EHMT1: variants seen among roughly 807,000 people sequenced by gnomAD.
EHMT1 encodes the protein euchromatic histone lysine methyltransferase 1.
A neutral mutation model predicts 147.2 loss-of-function variants in EHMT1; 15 were observed. The ratio of observed to expected loss-of-function variants is 0.10; its 90% CI spans 0.07 to 0.16. The LOEUF is 0.16. Among genes scored for constraint, EHMT1 ranks in the 10% least tolerant of loss-of-function variants. The pLI is 1.00. For synonymous variants in EHMT1, 795 were observed against 709.6 expected (o/e 1.12, Z -1.91); for missense variants, 1,587 against 1,772.4 (o/e 0.90, Z 1.88).
At chr9:137,634,821 G>A (rs1463574791) in intron 1 of EHMT1, among the ~76,000 whole-genome samples, 8 of 143,598 alleles carry the variant, frequency 5.6e-5, no homozygotes, top group Non-Finnish European at 9.0e-5. Context: ...TCCTGCCTCA[G>A]CTTCCCGAGT....
intron 1 of EHMT1, among the ~76,000 whole-genome samples, chr9:137,627,990 G>T (rs770895267): frequency 1.3e-5 from 2 of 152,206 alleles, no homozygotes; most frequent in Non-Finnish European, 2.9e-5. Flanking sequence ...GATTACAGGT[G>T]TGAGCCACCA....
chr9:137,824,331 G>A (rs559808865), intron 25 of EHMT1, among the ~76,000 whole-genome samples: 3 of 152,320 alleles, frequency 2.0e-5, no homozygotes, highest in South Asian at 2.1e-4. Flanking sequence ...ACCAGCTGAT[G>A]GAGATCTACG....
At chr9:137,688,978 G>A (rs1942699804) in intron 1 of EHMT1, among the ~76,000 whole-genome samples, 1 of 152,186 alleles carries the variant, frequency 6.6e-6, no homozygotes. Context: ...TGCTGCAGGA[G>A]TGACTGACAG....
At chr9:137,743,770 C>A in intron 5 of EHMT1, 132 bp from the exon 6 acceptor site, 1 of 1,220,150 alleles carries the variant, frequency 8.2e-7, no homozygotes, top group Non-Finnish European at 1.1e-6. Context: ...GTGGCAGGGG[C>A]ACCTCTTCGT....
At chr9:137,773,987 C>T (rs1283566927) in intron 10 of EHMT1, among the ~76,000 whole-genome samples, 1 of 152,184 alleles carries the variant, frequency 6.6e-6, no homozygotes, top group Non-Finnish European at 1.5e-5. Flanking sequence ...TTGCTTCCAC[C>T]TCCACAGGCG....
intron 14 of EHMT1, among the ~76,000 whole-genome samples, chr9:137,781,786 GTTTA>G (rs1446108588): frequency 6.6e-6 from 1 of 152,152 alleles, no homozygotes; most frequent in African/African-American, 2.4e-5. Flanking sequence ...TTAAAGAAAG[GTTTA>G]TTTATGTTGA....
intron 1 of EHMT1, among the ~76,000 whole-genome samples, chr9:137,660,852 T>C (rs1939002254): frequency 6.6e-6 from 1 of 152,352 alleles, no homozygotes; most frequent in South Asian, 2.1e-4. Context: ...CAGCTAATTG[T>C]TTACTGCTGT....
At chr9:137,622,906 CAAAAAA>C (rs1180436732) in intron 1 of EHMT1, among the ~76,000 whole-genome samples, 1 of 87,084 alleles carries the variant, frequency 1.1e-5, no homozygotes, top group African/African-American at 4.1e-5. Flanking sequence ...AATCCTGTCT[CAAAAAA>C]AAAAAAAAAA....
intron 1 of EHMT1, chr9:137,637,731 GAAGAGTTTGTGA>G: frequency 6.6e-6 from 1 of 152,362 alleles, no homozygotes; most frequent in East Asian, 1.9e-4. Flanking sequence ...CCGTTTTTGG[GAAGAGTTTGTGA>G]AGCACTGGTT....
chr9:137,815,671 C>T, intron 22 of EHMT1: 1 of 476,008 alleles, frequency 2.1e-6, no homozygotes, highest in Non-Finnish European at 3.9e-6. Flanking sequence ...AGGCTGGGGG[C>T]TGGGAAGGCC....
rs112586307 is a variant in EHMT1 at position 137,806,826 on chromosome 9, A to G, written c.2713-4635A>G. Among the ~76,000 whole-genome samples, 1,385 of 152,338 alleles carry G rather than the reference A, an allele frequency of 9.1e-3. 20 individuals are homozygous for G. The highest frequency in any genetic ancestry group is 0.031 in the African/African-American group (1,294 of 41,572). ...TCTGGATGCGTAGTTATTTCTTCCA[A>G]TGCTTTAAATGGCGGTTTCCCTGGG... On this transcript the variant is annotated intron_variant, in intron 18 of 26. Coordinates refer to ENST00000460843, the MANE Select transcript of EHMT1 (RefSeq NM_024757.5).
At chr9:137,626,548 G>T (rs1843271813) in intron 1 of EHMT1, among the ~76,000 whole-genome samples, 1 of 148,760 alleles carries the variant, frequency 6.7e-6, no homozygotes, top group Non-Finnish European at 1.5e-5. Flanking sequence ...AAAAAAAAAA[G>T]TTGTTTCCTT....
intron 1 of EHMT1, among the ~76,000 whole-genome samples, chr9:137,649,904 G>A (rs1845183813): frequency 2.0e-5 from 3 of 152,182 alleles, no homozygotes; most frequent in Non-Finnish European, 4.4e-5. Flanking sequence ...GGTAACTGCA[G>A]GAGATTAATG....
At chr9:137,823,979 G>A (rs1955639726) in intron 25 of EHMT1, among the ~76,000 whole-genome samples, 1 of 152,206 alleles carries the variant, frequency 6.6e-6, no homozygotes, top group Admixed American at 6.5e-5. Context: ...TCTGTGCCTT[G>A]CCTCCTCACT....
intron 18 of EHMT1, among the ~76,000 whole-genome samples, chr9:137,801,876 G>A (rs1953522002): frequency 6.6e-6 from 1 of 152,112 alleles, no homozygotes; most frequent in South Asian, 2.1e-4. Context: ...CAGGTGATCT[G>A]CCCACCTCAT....
At chr9:137,640,701 A>G (rs1844420616) in intron 1 of EHMT1, among the ~76,000 whole-genome samples, 1 of 152,250 alleles carries the variant, frequency 6.6e-6, no homozygotes, top group Non-Finnish European at 1.5e-5. Context: ...AGCTTCCAAC[A>G]GTGCAAAGGG....
intron 1 of EHMT1, among the ~76,000 whole-genome samples, chr9:137,686,664 A>G (rs1000341410): frequency 6.6e-6 from 1 of 151,102 alleles, no homozygotes; most frequent in Non-Finnish European, 1.5e-5. Context: ...TAGAGGTGTG[A>G]GCCACTGTGC....
In EHMT1 at chr9:137,789,243, G is replaced by T. The variant is rs368791013; in HGVS notation, c.2383-1605G>T. The T allele has an allele frequency of 2.5e-3, 383 of 152,504 alleles. 2 individuals are homozygous for T. The highest frequency in any genetic ancestry group is 4.5e-3 in the Non-Finnish European group (306 of 68,144). The allele number at this position is 152,504 out of a possible 1,614,324, so 9.4% of individuals were successfully genotyped here. On this transcript the variant is annotated intron_variant, in intron 15 of 26. Coordinates refer to ENST00000460843, the MANE Select transcript of EHMT1 (RefSeq NM_024757.5). The stretch of plus-strand genomic sequence containing the variant: ...CCCTATGCTCCGCCCGAAGCCGTCA[G>T]CCCCTCCTGCCCTTGCACACTCGGG...
At chr9:137,678,071 A>T (rs964524226) in intron 1 of EHMT1, among the ~76,000 whole-genome samples, 12 of 151,848 alleles carry the variant, frequency 7.9e-5, no homozygotes, top group South Asian at 4.1e-4. Context: ...TCCGTCTCAA[A>T]AATAATAATA....
Sources: allele counts gnomAD v4.1 joint callset (sites outside exome capture counted in the v4.1 genomes callset), GRCh38; gene constraint gnomAD v4.1.1; transcripts MANE v1.5; gene names NCBI Gene and HGNC (gene_info 2026-07-23, HGNC 2026-07-21).